The following PDE10A variants were observed in gnomAD, a reference collection of about 807,000 sequenced individuals.
PDE10A encodes the protein cAMP and cAMP-inhibited cGMP 3',5'-cyclic phosphodiesterase 10A.
Under a neutral mutation model 97.7 loss-of-function variants are expected in PDE10A, and 39 were observed. The ratio of observed to expected loss-of-function variants is 0.40; its 90% CI spans 0.31 to 0.52. PDE10A has a LOEUF of 0.52. Ranked by LOEUF, PDE10A falls within the 20% of genes least tolerant of loss-of-function variation. The pLI is 0.56. For missense variants in PDE10A, 731 were observed against 1,047.8 expected, an observed-to-expected ratio of 0.70 and a Z score of 4.17; for synonymous variants, 371 against 376.8, an observed-to-expected ratio of 0.98 and a Z score of 0.18.
chr6:165,551,999 G>A (rs768909485), intron 1 of PDE10A, among the ~76,000 whole-genome samples: 6 of 151,648 alleles, frequency 4.0e-5, no homozygotes, highest in South Asian at 4.2e-4. Context: ...CATGGTCTTC[G>A]CTGCTATCTG....
chr6:165,707,589 TGTGA>T (rs557901289), intron 1 of PDE10A, among the ~76,000 whole-genome samples: 51 of 152,222 alleles, frequency 3.4e-4, no homozygotes, highest in African/African-American at 6.5e-4. Flanking sequence ...ACTGTGTGTG[TGTGA>T]GTGTGTGACA....
In PDE10A at chr6:165,558,998, TA is replaced by T. The variant is rs11394414; in HGVS notation, c.866-15431del. On this transcript the variant is annotated intron_variant, in intron 1 of 21. Transcript: ENST00000539869. ...GGAAGCACTATAACAACAATTCAAGTAAAAAAAAAAATTAAAATTCTCTTTA... is the reference window on the plus strand; with the variant it reads ...GGAAGCACTATAACAACAATTCAAGTAAAAAAAAAATTAAAATTCTCTTTA... 5.3e-3 allele frequency among the ~76,000 whole-genome samples: 792 copies of T among 148,548 alleles called. 8 individuals carry two copies. Among genetic ancestry groups the T allele is most frequent in the African/African-American group, 0.018 (722 of 40,916 alleles).
chr6:165,437,556 A>G lies in PDE10A; in HGVS notation c.1195-2179T>C, dbSNP rs76693319. Among the ~76,000 whole-genome samples the G allele has an allele frequency of 3.9e-5, 6 of 152,338 alleles. No homozygotes were observed. In the South Asian group the frequency reaches 1.2e-3, roughly 32 times the overall value. On this transcript the variant is annotated intron_variant, in intron 5 of 21. Transcript: ENST00000539869. Reference sequence around the variant, plus strand: ...AAACTTCTCTATGTAGTTAAAAAAAATTATCAAAAATTGAGTAATACTTTA... The same window carrying G: ...AAACTTCTCTATGTAGTTAAAAAAAGTTATCAAAAATTGAGTAATACTTTA...
At chr6:165,619,638 TGTA>T (rs1168423464) in intron 1 of PDE10A, among the ~76,000 whole-genome samples, 1 of 127,368 alleles carries the variant, frequency 7.9e-6, no homozygotes, top group Non-Finnish European at 1.8e-5. Flanking sequence ...TATAGTGTAG[TGTA>T]GTATAGTCTA....
chr6:165,572,478 A>G (rs1316004173), intron 1 of PDE10A, among the ~76,000 whole-genome samples: 1 of 152,274 alleles, frequency 6.6e-6, no homozygotes, highest in Non-Finnish European at 1.5e-5. Context: ...ATCAAAAGAT[A>G]CAATATGACA....
At chr6:165,613,319 G>A (rs1787582528) in intron 1 of PDE10A, among the ~76,000 whole-genome samples, 1 of 152,042 alleles carries the variant, frequency 6.6e-6, no homozygotes, top group East Asian at 1.9e-4. Context: ...GGACACGGAG[G>A]AAGCCATAGA....
intron 1 of PDE10A, among the ~76,000 whole-genome samples, chr6:165,551,013 G>T (rs1024230328): frequency 2.0e-5 from 3 of 152,114 alleles, no homozygotes; most frequent in African/African-American, 7.2e-5. Context: ...AATAATTGTA[G>T]CAACTTAGTA....
At chr6:165,601,907 C>G (rs1011474013) in intron 1 of PDE10A, among the ~76,000 whole-genome samples, 1 of 152,042 alleles carries the variant, frequency 6.6e-6, no homozygotes. Flanking sequence ...CCCTGTTGGC[C>G]GTAATTATTG....
intron 1 of PDE10A, among the ~76,000 whole-genome samples, chr6:165,712,087 A>G (rs945435952): frequency 6.6e-6 from 1 of 152,120 alleles, no homozygotes; most frequent in African/African-American, 2.4e-5. Flanking sequence ...AAGTGAGTGG[A>G]CATCAAGGAA....
At chr6:165,384,962 C>T (rs982694980) in intron 17 of PDE10A, among the ~76,000 whole-genome samples, 5 of 152,048 alleles carry the variant, frequency 3.3e-5, no homozygotes, top group African/African-American at 9.7e-5. Flanking sequence ...GCGCCATGCT[C>T]GTAATCATCT....
intron 1 of PDE10A, among the ~76,000 whole-genome samples, chr6:165,621,012 T>C (rs1788103567): frequency 7.2e-6 from 1 of 138,740 alleles, no homozygotes; most frequent in Non-Finnish European, 1.5e-5. Context: ...GGAGCAAGAC[T>C]CTGTCTCAAA....
intron 5 of PDE10A, among the ~76,000 whole-genome samples, chr6:165,443,659 G>A (rs568408399): frequency 3.9e-5 from 6 of 152,184 alleles, no homozygotes; most frequent in South Asian, 2.1e-4. Context: ...GAGGTTCTCC[G>A]TGAGGGCTCT....
intron 17 of PDE10A, among the ~76,000 whole-genome samples, chr6:165,380,906 C>T (rs1391527135): frequency 2.0e-5 from 3 of 152,242 alleles, no homozygotes; most frequent in Non-Finnish European, 4.4e-5. Context: ...ACACTGAATG[C>T]CTGTCACCTC....
chr6:165,695,796 G>A (rs1014118521), intron 1 of PDE10A, among the ~76,000 whole-genome samples: 5 of 152,114 alleles, frequency 3.3e-5, no homozygotes, highest in Non-Finnish European at 5.9e-5. Flanking sequence ...GGGAGAATCG[G>A]GGAATGAGAC....
At chr6:165,462,622 C>G (rs771797453) in intron 3 of PDE10A, among the ~76,000 whole-genome samples, 2 of 152,096 alleles carry the variant, frequency 1.3e-5, no homozygotes, top group Non-Finnish European at 2.9e-5. Flanking sequence ...GAGGAGGTCC[C>G]CAACTGTCAC....
intron 1 of PDE10A, among the ~76,000 whole-genome samples, chr6:165,610,198 A>G (rs1317974948): frequency 2.0e-5 from 3 of 152,218 alleles, no homozygotes; most frequent in African/African-American, 7.2e-5. Context: ...CCTCAGAAAT[A>G]ATACCACACA....
chr6:165,647,168 A>G (rs1320381694), intron 1 of PDE10A, among the ~76,000 whole-genome samples: 7 of 152,228 alleles, frequency 4.6e-5, no homozygotes, highest in African/African-American at 1.4e-4. Flanking sequence ...CAGACCAACA[A>G]TCTACAAAAG....
chr6:165,525,075 G>A (rs1296729106), intron 2 of PDE10A, among the ~76,000 whole-genome samples: 1 of 152,076 alleles, frequency 6.6e-6, no homozygotes, highest in Non-Finnish European at 1.5e-5. Context: ...ATTCTCCTCA[G>A]GAGCCACCCC....
intron 1 of PDE10A, among the ~76,000 whole-genome samples, chr6:165,798,588 A>G (rs62427298): frequency 0.23 from 35,092 of 152,102 alleles, 4,155 homozygotes; most frequent in African/African-American, 0.27. Flanking sequence ...TGGGGAGAGA[A>G]GAATCTTGAA....
Sources: allele counts gnomAD v4.1 joint callset (sites outside exome capture counted in the v4.1 genomes callset), GRCh38; gene constraint gnomAD v4.1.1; transcripts MANE v1.5; gene names NCBI Gene and HGNC (gene_info 2026-07-23, HGNC 2026-07-21).